Variants in MACROD2 observed in about 807,000 individuals in gnomAD.
The protein encoded by MACROD2 is mono-ADP ribosylhydrolase 2.
A neutral mutation model predicts 70.4 loss-of-function variants in MACROD2; 36 were observed. The observed-to-expected ratio is 0.51, with a 90% CI of 0.39 to 0.68. The LOEUF (loss-of-function observed/expected upper bound fraction) is 0.68. MACROD2 is among the 30% of genes least tolerant of loss of function. The pLI is 0.00. For missense variants in MACROD2, 496 were observed against 538.4 expected, an observed-to-expected ratio of 0.92 and a Z score of 0.78; for synonymous variants, 172 against 178.8, an observed-to-expected ratio of 0.96 and a Z score of 0.30.
chr20:15,908,272 C>T (rs1331488990), intron 10 of MACROD2, among the ~76,000 whole-genome samples: 1 of 152,276 alleles, frequency 6.6e-6, no homozygotes. Flanking sequence ...TTCTCTTTGA[C>T]CCTTGCTGCC....
intron 6 of MACROD2, among the ~76,000 whole-genome samples, chr20:15,258,418 C>G (rs1432848489): frequency 6.6e-6 from 1 of 152,070 alleles, no homozygotes; most frequent in Non-Finnish European, 1.5e-5. Flanking sequence ...TTAAAGAAAT[C>G]TTTTATACCA....
At chr20:14,981,420 A>G (rs1299768086) in intron 5 of MACROD2, among the ~76,000 whole-genome samples, 6 of 130,760 alleles carry the variant, frequency 4.6e-5, no homozygotes, top group Non-Finnish European at 7.8e-5. Context: ...GTGTGTGTGT[A>G]TATATGTATA....
At chr20:14,841,259 CTG>C (rs1011907073) in intron 5 of MACROD2, among the ~76,000 whole-genome samples, 86 of 152,222 alleles carry the variant, frequency 5.6e-4, no homozygotes, top group Non-Finnish European at 8.5e-4. Flanking sequence ...AGGCATTCCT[CTG>C]AGAGTTTCTC....
chr20:14,859,689 AT>A (rs2073293899), intron 5 of MACROD2, among the ~76,000 whole-genome samples: 1 of 152,066 alleles, frequency 6.6e-6, no homozygotes, highest in Non-Finnish European at 1.5e-5. Context: ...CATTTCTTTC[AT>A]TTATAATTCT....
At chr20:14,287,863 C>T (rs940218395) in intron 3 of MACROD2, among the ~76,000 whole-genome samples, 2 of 152,148 alleles carry the variant, frequency 1.3e-5, no homozygotes, top group African/African-American at 4.8e-5. Flanking sequence ...AGTTCCTTGA[C>T]ATGTGGCATT....
chr20:15,424,789 T>C (rs6110602), intron 6 of MACROD2, among the ~76,000 whole-genome samples: 50,119 of 152,118 alleles, frequency 0.33, 8,517 homozygotes, highest in South Asian at 0.39. Context: ...CATGTTCTCA[T>C]ATTCTAACTT....
chr20:14,950,886 G>T (rs573819349), intron 5 of MACROD2, among the ~76,000 whole-genome samples: 74 of 152,234 alleles, frequency 4.9e-4, no homozygotes, highest in African/African-American at 1.7e-3. Flanking sequence ...CTTCTTTGTT[G>T]CTTGGTTGGT....
At chr20:15,681,728 T>C (rs904177194) in intron 8 of MACROD2, among the ~76,000 whole-genome samples, 1 of 152,216 alleles carries the variant, frequency 6.6e-6, no homozygotes, top group African/African-American at 2.4e-5. Flanking sequence ...TTTGTTCTCA[T>C]TTAAAGTAAT....
At chr20:15,538,091 T>G (rs1014675415) in intron 8 of MACROD2, among the ~76,000 whole-genome samples, 4 of 151,856 alleles carry the variant, frequency 2.6e-5, no homozygotes, top group Admixed American at 2.6e-4. Context: ...AATTGGGGAG[T>G]GGAACGATTA....
intron 3 of MACROD2, among the ~76,000 whole-genome samples, chr20:14,095,052 T>TA (rs1356471279): frequency 6.6e-6 from 1 of 152,204 alleles, no homozygotes; most frequent in East Asian, 1.9e-4. Flanking sequence ...GCATGCCAGA[T>TA]GTTTCATCTC....
intron 6 of MACROD2, among the ~76,000 whole-genome samples, chr20:15,291,259 G>C (rs1426651299): frequency 6.6e-6 from 1 of 152,100 alleles, no homozygotes; most frequent in Admixed American, 6.6e-5. Flanking sequence ...GCCATCACTG[G>C]GGGTTCTCAT....
chr20:14,691,477 A>G (rs1437663125), intron 5 of MACROD2, among the ~76,000 whole-genome samples: 1 of 152,174 alleles, frequency 6.6e-6, no homozygotes, highest in Non-Finnish European at 1.5e-5. Flanking sequence ...ATTTTTCCCA[A>G]TAGGGCCAGA....
intron 5 of MACROD2, among the ~76,000 whole-genome samples, chr20:15,100,320 CTTAT>C (rs2075862826): frequency 7.4e-6 from 1 of 134,782 alleles, no homozygotes; most frequent in African/African-American, 2.9e-5. Flanking sequence ...ATATTTTTGA[CTTAT>C]GATGAATTTG....
chr20:15,464,755 A>G (rs1435463516), intron 7 of MACROD2, among the ~76,000 whole-genome samples: 1 of 152,198 alleles, frequency 6.6e-6, no homozygotes, highest in Non-Finnish European at 1.5e-5. Context: ...GTCCCTGGAA[A>G]TTAATTGCTC....
chr20:14,289,907 T>G (rs1275588879), intron 3 of MACROD2, among the ~76,000 whole-genome samples: 1 of 152,202 alleles, frequency 6.6e-6, no homozygotes, highest in Non-Finnish European at 1.5e-5. Flanking sequence ...AAACAAATAA[T>G]AATTTATTAA....
intron 3 of MACROD2, among the ~76,000 whole-genome samples, chr20:14,485,424 A>G (rs182493630): frequency 1.2e-3 from 190 of 152,264 alleles, no homozygotes; most frequent in Middle Eastern, 6.8e-3. Flanking sequence ...CATGGAGGCC[A>G]GGCGTGGTGG....
chr20:14,019,574 G>A (rs1055974398), intron 2 of MACROD2, among the ~76,000 whole-genome samples: 3 of 151,954 alleles, frequency 2.0e-5, no homozygotes, highest in African/African-American at 7.2e-5. Context: ...CGCCTAGCTG[G>A]GTAGTGTTTT....
At chr20:14,234,772 T>G (rs2122216685) in intron 3 of MACROD2, among the ~76,000 whole-genome samples, 1 of 152,296 alleles carries the variant, frequency 6.6e-6, no homozygotes, top group Middle Eastern at 3.4e-3. Flanking sequence ...TTAAGCTGCA[T>G]TCTTGTCAAA....
chr20:14,857,843 A>G (rs2073271867), intron 5 of MACROD2, among the ~76,000 whole-genome samples: 2 of 93,934 alleles, frequency 2.1e-5, no homozygotes, highest in Non-Finnish European at 5.4e-5. Context: ...TGTTTGAGAC[A>G]AAGTCTCACT....
Sources: allele counts gnomAD v4.1 joint callset (sites outside exome capture counted in the v4.1 genomes callset), GRCh38; gene constraint gnomAD v4.1.1; transcripts MANE v1.5; gene names NCBI Gene and HGNC (gene_info 2026-07-23, HGNC 2026-07-21).